PTBP3: variants seen among roughly 807,000 people sequenced by gnomAD.
PTBP3 encodes the protein polypyrimidine tract binding protein 3.
In PTBP3, 20 loss-of-function variants were observed where a neutral mutation model predicts 58.7. That is an observed-to-expected ratio of 0.34 (90% confidence interval 0.24 to 0.50). PTBP3 has a LOEUF of 0.50. PTBP3 is among the 20% of genes least tolerant of loss of function. PTBP3 has a pLI of 0.98. For missense variants in PTBP3, 509 were observed against 637.2 expected, an observed-to-expected ratio of 0.80 and a Z score of 2.17; for synonymous variants, 185 against 219.8, an observed-to-expected ratio of 0.84 and a Z score of 1.40.
intron 2 of PTBP3, among the ~76,000 whole-genome samples, chr9:112,285,681 T>G (rs1828081166): frequency 6.6e-6 from 1 of 152,374 alleles, no homozygotes; most frequent in African/African-American, 2.4e-5. Flanking sequence ...TACAATTTTA[T>G]GTATAGACAC....
the PTBP3 span, among the ~76,000 whole-genome samples, chr9:112,359,873 T>C: frequency 4.8e-4 from 72 of 151,458 alleles, 1 homozygote; most frequent in African/African-American, 1.7e-3. Flanking sequence ...CAATACAATA[T>C]ACACATAATC....
At chr9:112,253,559 A>G (rs7863117) in intron 5 of PTBP3, among the ~76,000 whole-genome samples, 86,225 of 151,980 alleles carry the variant, frequency 0.57, 26,593 homozygotes, top group African/African-American at 0.83. Context: ...AAACAACAAC[A>G]TATTTAGTTT....
chr9:112,342,722 G>C, the PTBP3 span, among the ~76,000 whole-genome samples: 19 of 84,178 alleles, frequency 2.3e-4, 1 homozygote, highest in East Asian at 8.1e-3. Flanking sequence ...TCTCAAGAAA[G>C]AAAAACAAAG....
chr9:112,250,904 T>G (rs776307735), intron 7 of PTBP3, 25 bp downstream of exon 7: 1 of 1,477,248 alleles, frequency 6.8e-7, no homozygotes, highest in Non-Finnish European at 9.0e-7. Context: ...AAACTTGCTT[T>G]GTGACCCAAA....
chr9:112,259,496 T>C (rs1193907586), intron 5 of PTBP3, among the ~76,000 whole-genome samples: 1 of 152,240 alleles, frequency 6.6e-6, no homozygotes, highest in East Asian at 1.9e-4. Flanking sequence ...TTAGGCACCT[T>C]ACATTGCTGT....
At chr9:112,305,880 C>T (rs1010662652) in intron 1 of PTBP3, among the ~76,000 whole-genome samples, 1 of 152,206 alleles carries the variant, frequency 6.6e-6, no homozygotes, top group South Asian at 2.1e-4. Context: ...GCGGAGCTTG[C>T]AGTGAGCCGA....
chr9:112,308,937 A>C (rs6477912), intron 1 of PTBP3, among the ~76,000 whole-genome samples: 74,012 of 151,956 alleles, frequency 0.49, 18,368 homozygotes, highest in African/African-American at 0.58. Flanking sequence ...CTAACAAAGC[A>C]AAGAAATACT....
At chr9:112,346,769 C>T in the PTBP3 span, among the ~76,000 whole-genome samples, 1 of 152,144 alleles carries the variant, frequency 6.6e-6, no homozygotes, top group Non-Finnish European at 1.5e-5. Flanking sequence ...CTTGATCTGT[C>T]ACCCAGGCTG....
intron 1 of PTBP3, among the ~76,000 whole-genome samples, chr9:112,306,605 T>TATATATATATATATATATATATA (rs746604981): frequency 1.1e-5 from 1 of 94,148 alleles, no homozygotes; most frequent in African/African-American, 7.4e-5. Flanking sequence ...TATATATATA[T>TATATATATATATATATATATATA]TTTTGTTTGT....
chr9:112,275,387 G>C (rs949387916), intron 3 of PTBP3, among the ~76,000 whole-genome samples: 1 of 151,872 alleles, frequency 6.6e-6, no homozygotes, highest in Non-Finnish European at 1.5e-5. Context: ...CGCCCACCTC[G>C]GCCTCCCAAA....
intron 1 of PTBP3, chr9:112,333,009 G>A: frequency 1.6e-6 from 2 of 1,279,102 alleles, no homozygotes; most frequent in Non-Finnish European, 2.0e-6. Flanking sequence ...ACCCGCCGTC[G>A]GCCGCTCGCC....
chr9:112,232,219 A>T lies in PTBP3; in HGVS notation c.900T>A (p.Val300=), dbSNP rs780414598. 2 of 1,605,704 alleles carry T rather than the reference A, an allele frequency of 1.2e-6. No individual in the cohort carries two copies. Among genetic ancestry groups the T allele is most frequent in the Non-Finnish European group, 1.7e-6 (2 of 1,175,246 alleles). The change falls in exon 9 of 14, where the codon GTT becomes GTA. Residue 300 remains valine, a synonymous_variant. Coordinates refer to ENST00000374257, the MANE Select transcript of PTBP3 (RefSeq NM_001163788.4). Reference sequence around the variant, plus strand: ...TTGTGAGAGGACCAAGAGCTCCAGGAACAGCTGGAACTGATAGACCTTTTA... The same window carrying T: ...TTGTGAGAGGACCAAGAGCTCCAGGTACAGCTGGAACTGATAGACCTTTTA... The part of the protein sequence containing the change: ...PQATGLSVPA[V]PGALGPLTIT...
chr9:112,350,449 C>A, the PTBP3 span, among the ~76,000 whole-genome samples: 1 of 152,098 alleles, frequency 6.6e-6, no homozygotes, highest in Admixed American at 6.6e-5. Flanking sequence ...CATTCTTCCA[C>A]GCCCAGTACC....
chr9:112,287,939 T>G (rs1471082477), intron 2 of PTBP3, among the ~76,000 whole-genome samples: 1 of 152,196 alleles, frequency 6.6e-6, no homozygotes, highest in East Asian at 1.9e-4. Context: ...TGGGTCACAT[T>G]TTTTTGGTTC....
intron 5 of PTBP3, among the ~76,000 whole-genome samples, chr9:112,259,183 G>C (rs1383581732): frequency 1.3e-5 from 2 of 152,090 alleles, no homozygotes; most frequent in East Asian, 3.9e-4. Context: ...GAACACCTGA[G>C]CTCAGATGAT....
chr9:112,334,425 C>G (rs1830522736), upstream of PTBP3, among the ~76,000 whole-genome samples: 2 of 152,098 alleles, frequency 1.3e-5, no homozygotes. Flanking sequence ...GTTTCACAAC[C>G]AGGAAACGTT....
chr9:112,343,019 C>G, the PTBP3 span, among the ~76,000 whole-genome samples: 1 of 152,074 alleles, frequency 6.6e-6, no homozygotes, highest in Admixed American at 6.6e-5. Context: ...TTCTAGACAC[C>G]ATTGGCTGAT....
chr9:112,311,865 C>G (rs1829493834), intron 1 of PTBP3, among the ~76,000 whole-genome samples: 1 of 152,158 alleles, frequency 6.6e-6, no homozygotes, highest in African/African-American at 2.4e-5. Context: ...AGAGGATCAT[C>G]AGAGCCCAGG....
chr9:112,266,843 ATTGAATGG>A (rs796071109), intron 4 of PTBP3, among the ~76,000 whole-genome samples: 3 of 152,204 alleles, frequency 2.0e-5, no homozygotes, highest in African/African-American at 7.2e-5. Flanking sequence ...ACTTTTCTTG[ATTGAATGG>A]TGTACCAAAA....
Sources: allele counts gnomAD v4.1 joint callset (sites outside exome capture counted in the v4.1 genomes callset), GRCh38; gene constraint gnomAD v4.1.1; transcripts MANE v1.5; gene names NCBI Gene and HGNC (gene_info 2026-07-23, HGNC 2026-07-21).